Variants in SCLY observed in about 807,000 individuals in gnomAD.
The protein encoded by SCLY is putative selenocysteine lyase.
A neutral mutation model predicts 50.1 loss-of-function variants in SCLY; 38 were observed. That is an observed-to-expected ratio of 0.76 (90% CI 0.59 to 0.99). SCLY has a LOEUF of 0.99. Ranked by LOEUF, SCLY falls within the 50% of genes least tolerant of loss-of-function variation. The pLI is 0.00. For synonymous variants in SCLY, 243 were observed against 249.4 expected (o/e 0.97, Z 0.24); for missense variants, 600 against 620.0 (o/e 0.97, Z 0.34).
Position 238,096,849 on chromosome 2 carries a change from C to T in SCLY, c.1157C>T (p.Ala386Val), listed in dbSNP as rs1319380072. 4 of 1,612,228 alleles carry T rather than the reference C, an allele frequency of 2.5e-6. No homozygotes were observed. The highest frequency in any genetic ancestry group is 3.4e-6 in the Non-Finnish European group (4 of 1,179,480). Residue 386 changes from alanine (A) to valine (V), a missense_variant, in exon 11 of 12, where the codon GCC (alanine) becomes GTC (valine). Transcript: ENST00000254663. ...QCRVLMASVGAACHSDHGDQP... is the reference protein window; with the variant it reads ...QCRVLMASVGVACHSDHGDQP... ...CGAGTGCTGATGGCCAGTGTGGGGGCCGCGTGCCACTCGGACCACGGGGAC... is the reference window on the plus strand; with the variant it reads ...CGAGTGCTGATGGCCAGTGTGGGGGTCGCGTGCCACTCGGACCACGGGGAC...
chr2:238,073,445 A>C (rs2065144928), intron 4 of SCLY, among the ~76,000 whole-genome samples: 1 of 152,264 alleles, frequency 6.6e-6, no homozygotes. Context: ...GAATTTGGTC[A>C]GTATTGCTAC....
chr2:238,091,549 C>CTG, intron 8 of SCLY: 8 of 339,046 alleles, frequency 2.4e-5, no homozygotes, highest in East Asian at 5.6e-5. Context: ...TGCAGGTTCA[C>CTG]CATTCCCAAA....
intron 4 of SCLY, among the ~76,000 whole-genome samples, chr2:238,073,127 A>G (rs2065142338): frequency 6.6e-6 from 1 of 152,172 alleles, no homozygotes; most frequent in East Asian, 1.9e-4. Context: ...CTCTTCTTCC[A>G]TGGATGGTCT....
At chr2:238,091,293 T>C in intron 8 of SCLY, 39 bp downstream of exon 8, 2 of 1,567,994 alleles carry the variant, frequency 1.3e-6, no homozygotes, top group Non-Finnish European at 1.8e-6. Flanking sequence ...GTTGATTGCT[T>C]TGTCATCAGT....
Position 238,092,034 on chromosome 2 carries a change from A to G in SCLY, c.921+780A>G, listed in dbSNP as rs1354404605. 3.3e-5 allele frequency: 5 copies of G among 152,442 alleles called. No homozygotes were observed. In the East Asian group the frequency reaches 9.6e-4, roughly 29 times the overall value. The allele number at this position is 152,442 out of a possible 1,614,324, so 9.4% of individuals were successfully genotyped here. ...GAATGGATTCCCTGTTACTTAGAAT[A>G]TTCAAAATTATATTATTAACAGTGA... On this transcript the variant is annotated intron_variant, in intron 8 of 11. Transcript: ENST00000254663.
chr2:238,071,657 G>A (rs2065129208), intron 4 of SCLY, among the ~76,000 whole-genome samples: 1 of 152,124 alleles, frequency 6.6e-6, no homozygotes, highest in African/African-American at 2.4e-5. Context: ...CTAAACCTCT[G>A]CAGCAGCAAC....
At position 238,084,893 on chromosome 2, in the gene SCLY, C is replaced by CAAAAAAA. The variant is rs377025100; in HGVS notation, c.884+1551_884+1557dup. On this transcript the variant is annotated intron_variant, in intron 7 of 11. Transcript: ENST00000254663. Reference sequence around the variant, plus strand: ...TGGGTGACAGAGAGAGACTCCATCTCAAAAAAAAAAAAAAAAAAGAAACCT... The same window carrying CAAAAAAA: ...TGGGTGACAGAGAGAGACTCCATCTCAAAAAAAAAAAAAAAAAAAAAAAAAGAAACCT... Among the ~76,000 whole-genome samples the CAAAAAAA allele has an allele frequency of 1.2e-3, 126 of 107,236 alleles. 1 individual carries two copies. Among genetic ancestry groups the CAAAAAAA allele is most frequent in the African/African-American group, 1.3e-3 (36 of 27,192 alleles). 70.4% of individuals were successfully genotyped at this position (107,236 alleles called of 152,430 possible). A position where few individuals can be genotyped will look rare whatever the true frequency, so the allele number is the denominator to read the frequency against.
chr2:238,082,290 A>C, intron 6 of SCLY, 81 bp downstream of exon 6: 63 of 1,389,050 alleles, frequency 4.5e-5, no homozygotes, highest in Non-Finnish European at 5.5e-5. Flanking sequence ...CGTAAGCCTC[A>C]CTGCCCACCG....
intron 7 of SCLY, among the ~76,000 whole-genome samples, chr2:238,089,412 G>A (rs556844732): frequency 1.4e-4 from 22 of 152,202 alleles, no homozygotes; most frequent in African/African-American, 5.1e-4. Flanking sequence ...TGAGTTACGG[G>A]TGCAGATACA....
At chr2:238,094,039 G>A (rs757153726) in intron 9 of SCLY, 95 bp downstream of exon 9, 259 of 1,108,562 alleles carry the variant, frequency 2.3e-4, no homozygotes, top group South Asian at 5.2e-4. Context: ...CCCAGGACCT[G>A]TGGGGATTGC....
chr2:238,082,735 C>T (rs2065251071), intron 6 of SCLY: 1 of 178,728 alleles, frequency 5.6e-6, no homozygotes, highest in Admixed American at 5.4e-5. Context: ...TACCAGGGCC[C>T]GAGATATTTT....
In SCLY at chr2:238,095,084, T is replaced by C. The variant is rs151244657; in HGVS notation, c.1108+562T>C. ...CAGGCATAGTGGTGTGCACCTGTAG[T>C]CCCAGCTACTTGGGAGGCTGAGGCA... On this transcript the variant is annotated intron_variant, in intron 10 of 11. Coordinates refer to ENST00000254663, the MANE Select transcript of SCLY (RefSeq NM_016510.7). Among the ~76,000 whole-genome samples, 282 of 152,274 alleles carry C rather than the reference T, an allele frequency of 1.9e-3. 1 individual carries two copies. The highest frequency in any genetic ancestry group is 6.4e-3 in the African/African-American group (266 of 41,558).
chr2:238,082,038 C>G lies in SCLY; in HGVS notation c.613-7C>G. ...CAACATACTCAACTGTTTCCTTTCCCCGTCAGCCTGTCCCTGAAATCAGTC... is the reference window on the plus strand; with the variant it reads ...CAACATACTCAACTGTTTCCTTTCCGCGTCAGCCTGTCCCTGAAATCAGTC... On this transcript the variant is annotated splice_region_variant and splice_polypyrimidine_tract_variant and intron_variant, in intron 5 of 11. Coordinates refer to ENST00000254663, the MANE Select transcript of SCLY (RefSeq NM_016510.7). The G allele has an allele frequency of 6.2e-7, 1 of 1,610,526 alleles. No individual in the cohort carries two copies.
chr2:238,082,025 CT>C lies in SCLY; in HGVS notation c.613-19del. ...CATCAGATCGGAGCAACATACTCAACTGTTTCCTTTCCCCGTCAGCCTGTCC... is the reference window on the plus strand; with the variant it reads ...CATCAGATCGGAGCAACATACTCAACGTTTCCTTTCCCCGTCAGCCTGTCC... On this transcript the variant is annotated intron_variant, in intron 5 of 11. Coordinates refer to ENST00000254663, the MANE Select transcript of SCLY (RefSeq NM_016510.7). 1 of 1,607,144 alleles carries C rather than the reference CT, an allele frequency of 6.2e-7. No individual in the cohort carries two copies. The highest frequency in any genetic ancestry group is 8.5e-7 in the Non-Finnish European group (1 of 1,174,430).
chr2:238,082,345 T>G, intron 6 of SCLY, 136 bp downstream of exon 6: 115 of 747,906 alleles, frequency 1.5e-4, no homozygotes, highest in Non-Finnish European at 1.5e-4. Context: ...GTGGGATCCT[T>G]GTCCTCAGGA....
intron 2 of SCLY, chr2:238,064,746 T>A: frequency 4.3e-6 from 1 of 234,644 alleles, no homozygotes; most frequent in Non-Finnish European, 8.3e-6. Context: ...GAGAGTTCCT[T>A]GAAGTAGCAG....
At chr2:238,091,546 T>A in intron 8 of SCLY, 10 of 409,888 alleles carry the variant, frequency 2.4e-5, no homozygotes, top group East Asian at 9.5e-5. Flanking sequence ...AGCTGCAGGT[T>A]CACCATTCCC....
intron 11 of SCLY, among the ~76,000 whole-genome samples, chr2:238,097,877 C>T (rs930492302): frequency 5.3e-5 from 8 of 152,136 alleles, no homozygotes; most frequent in Non-Finnish European, 7.4e-5. Flanking sequence ...TGTCGGCATC[C>T]GTGTTCTCCA....
At chr2:238,086,035 T>G (rs2264132) in intron 7 of SCLY, among the ~76,000 whole-genome samples, 1 of 151,994 alleles carries the variant, frequency 6.6e-6, no homozygotes, top group Non-Finnish European at 1.5e-5. Flanking sequence ...TTCACCAGTA[T>G]GGGAAAAAGA....
Sources: gnomAD v4.1 joint callset for allele counts (sites outside exome capture counted in the v4.1 genomes callset) on GRCh38, gnomAD v4.1.1 for gene constraint, MANE v1.5 for transcripts, NCBI Gene and HGNC (gene_info 2026-07-23, HGNC 2026-07-21) for gene names.